KCNN2: variants seen among roughly 807,000 people sequenced by gnomAD.
KCNN2 encodes the protein small conductance calcium-activated potassium channel protein 2.
A neutral mutation model predicts 55.5 loss-of-function variants in KCNN2; 24 were observed. The observed-to-expected ratio is 0.43, with a 90% CI of 0.31 to 0.61. The LOEUF (loss-of-function observed/expected upper bound fraction) is 0.61. KCNN2 is among the 20% of genes least tolerant of loss of function. The pLI is 0.08. For synonymous variants in KCNN2, 431 were observed against 336.1 expected, an observed-to-expected ratio of 1.28 and a Z score of -3.09; for missense variants, 754 against 853.6, an observed-to-expected ratio of 0.88 and a Z score of 1.45.
chr5:114,097,713 CTT>C (rs1751288361), intron 1 of KCNN2, among the ~76,000 whole-genome samples: 1 of 152,150 alleles, frequency 6.6e-6, no homozygotes, highest in South Asian at 2.1e-4. Flanking sequence ...AGCACAGACT[CTT>C]TGATTAGAAC....
At chr5:114,389,202 T>A (rs1758374163) in intron 2 of KCNN2, among the ~76,000 whole-genome samples, 1 of 152,150 alleles carries the variant, frequency 6.6e-6, no homozygotes, top group South Asian at 2.1e-4. Context: ...CACCTGTTTT[T>A]TCCCCATTGT....
rs185886602 is a variant in KCNN2, at chr5:114,128,075, C to T, written c.-271+71575C>T. Among the ~76,000 whole-genome samples, 5 of 152,308 alleles carry T rather than the reference C, an allele frequency of 3.3e-5. No individual in the cohort carries two copies. In the East Asian group the frequency reaches 9.7e-4, roughly 30 times the overall value. ...CCTGTCTTCTTCTGAGCCCTCCAAA[C>T]TGTTCCAGCCTCTGCTTGTTACCCA... On this transcript the variant is annotated intron_variant, in intron 1 of 10. Coordinates refer to the KCNN2 transcript ENST00000512097.
At chr5:114,386,932 C>T (rs1758308097) in intron 2 of KCNN2, among the ~76,000 whole-genome samples, 1 of 152,162 alleles carries the variant, frequency 6.6e-6, no homozygotes, top group African/African-American at 2.4e-5. Flanking sequence ...TTACTTTCTT[C>T]ATCCTACCTT....
intron 1 of KCNN2, among the ~76,000 whole-genome samples, chr5:114,133,334 C>A (rs1752107847): frequency 6.6e-6 from 1 of 152,028 alleles, no homozygotes; most frequent in Non-Finnish European, 1.5e-5. Context: ...ATTTAGCTGT[C>A]CTTTTACTTT....
At chr5:114,355,393 G>A (rs1757278491) in intron 2 of KCNN2, among the ~76,000 whole-genome samples, 1 of 152,178 alleles carries the variant, frequency 6.6e-6, no homozygotes, top group Non-Finnish European at 1.5e-5. Context: ...GGATTTCAAA[G>A]GGAAAATAAA....
intron 3 of KCNN2, among the ~76,000 whole-genome samples, chr5:114,433,368 C>T (rs1036610382): frequency 5.3e-5 from 8 of 152,188 alleles, no homozygotes; most frequent in Admixed American, 4.6e-4. Flanking sequence ...CTGGTGGGGA[C>T]GTGGAGAACC....
intron 2 of KCNN2, among the ~76,000 whole-genome samples, chr5:114,336,550 A>C (rs532299509): frequency 6.6e-6 from 1 of 152,314 alleles, no homozygotes; most frequent in African/African-American, 2.4e-5. Context: ...CAACACTCAC[A>C]AGCCTTGCAT....
intron 2 of KCNN2, among the ~76,000 whole-genome samples, chr5:114,342,783 A>G (rs1757039298): frequency 6.6e-6 from 1 of 152,222 alleles, no homozygotes; most frequent in Non-Finnish European, 1.5e-5. Context: ...TATTAGCCTC[A>G]TCTTGAATTC....
At chr5:114,309,923 A>G (rs1385887581) in intron 2 of KCNN2, among the ~76,000 whole-genome samples, 2 of 152,204 alleles carry the variant, frequency 1.3e-5, no homozygotes, top group Admixed American at 1.3e-4. Context: ...GTGGAATGGC[A>G]ACAGGTGGAG....
At chr5:114,393,234 CT>C (rs1157077237) in intron 2 of KCNN2, among the ~76,000 whole-genome samples, 1 of 152,042 alleles carries the variant, frequency 6.6e-6, no homozygotes, top group Admixed American at 6.6e-5. Context: ...AAAAAGAGAG[CT>C]TGGTTTTATT....
At chr5:114,056,913 A>G (rs1750222318) in intron 1 of KCNN2, among the ~76,000 whole-genome samples, 1 of 151,952 alleles carries the variant, frequency 6.6e-6, no homozygotes, top group South Asian at 2.1e-4. Context: ...GAAGGTTGTG[A>G]TTTTTCTGTG....
intron 1 of KCNN2, among the ~76,000 whole-genome samples, chr5:114,195,110 A>G (rs1160209218): frequency 6.6e-6 from 1 of 151,726 alleles, no homozygotes; most frequent in Admixed American, 6.6e-5. Context: ...GTAAATTTTG[A>G]AATAAAAAAG....
chr5:114,426,805 G>A (rs1580820803), intron 3 of KCNN2, among the ~76,000 whole-genome samples: 1 of 152,144 alleles, frequency 6.6e-6, no homozygotes, highest in South Asian at 2.1e-4. Context: ...ACTGCTCATA[G>A]TATATTATGT....
At chr5:114,225,871 C>T (rs1403709457) in intron 2 of KCNN2, among the ~76,000 whole-genome samples, 2 of 152,128 alleles carry the variant, frequency 1.3e-5, no homozygotes, top group South Asian at 2.1e-4. Flanking sequence ...TAATCATCCA[C>T]GTATTCTGTA....
At chr5:114,254,258 T>TA (rs1561542132) in intron 2 of KCNN2, among the ~76,000 whole-genome samples, 7 of 152,080 alleles carry the variant, frequency 4.6e-5, no homozygotes, top group African/African-American at 1.2e-4. Context: ...TCTATTTTTT[T>TA]TAAAAAAATA....
At chr5:114,248,783 T>C (rs1182723666) in intron 2 of KCNN2, among the ~76,000 whole-genome samples, 2 of 152,210 alleles carry the variant, frequency 1.3e-5, no homozygotes, top group African/African-American at 4.8e-5. Context: ...ACTTCCATTA[T>C]ACTGAGCATA....
At chr5:114,082,078 A>T (rs1750837979) in intron 1 of KCNN2, among the ~76,000 whole-genome samples, 1 of 152,172 alleles carries the variant, frequency 6.6e-6, no homozygotes, top group East Asian at 1.9e-4. Flanking sequence ...AAGATGCTCA[A>T]GGCGGGATAC....
chr5:114,380,812 T>C (rs1216240794), intron 2 of KCNN2, among the ~76,000 whole-genome samples: 1 of 152,138 alleles, frequency 6.6e-6, no homozygotes, highest in Admixed American at 6.5e-5. Context: ...ACATGTGGCC[T>C]TTGGGGTTCA....
intron 1 of KCNN2, among the ~76,000 whole-genome samples, chr5:114,104,617 C>T (rs1045179309): frequency 6.6e-6 from 1 of 151,924 alleles, no homozygotes; most frequent in Non-Finnish European, 1.5e-5. Context: ...AAGTTCTAGA[C>T]CTATGGAAAC....
Sources: gnomAD v4.1 joint callset for allele counts (sites outside exome capture counted in the v4.1 genomes callset) on GRCh38, gnomAD v4.1.1 for gene constraint, MANE v1.5 for transcripts, NCBI Gene and HGNC (gene_info 2026-07-23, HGNC 2026-07-21) for gene names.